Variants in TMCO1 observed in about 807,000 individuals in gnomAD.
The protein encoded by TMCO1 is calcium load-activated calcium channel.
A neutral mutation model predicts 29.3 loss-of-function variants in TMCO1; 29 were observed. The ratio of observed to expected loss-of-function variants is 0.99; its 90% CI spans 0.74 to 1.35. The LOEUF (loss-of-function observed/expected upper bound fraction) is 1.35. TMCO1 is among the 40% of genes most tolerant of loss of function. The pLI is 0.00. For synonymous variants in TMCO1, 80 were observed against 77.1 expected, an observed-to-expected ratio of 1.04 and a Z score of -0.20; for missense variants, 173 against 225.5, an observed-to-expected ratio of 0.77 and a Z score of 1.49.
At chr1:165,725,880 T>TA, downstream of TMCO1, 1 of 545,950 alleles carries the variant, frequency 1.8e-6, no homozygotes, top group Non-Finnish European at 3.4e-6. Flanking sequence ...GAAAAAAATT[T>TA]AAAAAAATTT....
intron 5 of TMCO1, among the ~76,000 whole-genome samples, chr1:165,751,639 A>C (rs1230512309): frequency 6.6e-6 from 1 of 151,712 alleles, no homozygotes; most frequent in East Asian, 1.9e-4. Context: ...AGGAAGACAG[A>C]GGTTGCAGTG....
intron 6 of TMCO1, among the ~76,000 whole-genome samples, chr1:165,730,817 C>A (rs1381421063): frequency 6.6e-6 from 1 of 151,844 alleles, no homozygotes; most frequent in East Asian, 1.9e-4. Context: ...TGGTCTCAAA[C>A]TCTTGGGCTC....
chr1:165,727,009 C>T lies in TMCO1; in HGVS notation c.*1014G>A, dbSNP rs1650921346. 2.2e-6 allele frequency: 1 copy of T among 453,914 alleles called. No homozygotes were observed. The highest frequency in any genetic ancestry group is 2.0e-5 in the African/African-American group (1 of 49,996). The allele number at this position is 453,914 out of a possible 1,614,324, so 28.1% of individuals were successfully genotyped here. On this transcript the variant is annotated 3_prime_UTR_variant, in exon 7 of 7. Coordinates refer to ENST00000367881, the MANE Select transcript of TMCO1 (RefSeq NM_019026.6). ...GGTAGAATACTCACATTTAAGTAGA[C>T]ATTTGATGAATGTGCATATTTATTG...
At chr1:165,766,573 A>G (rs1229506141) in intron 2 of TMCO1, among the ~76,000 whole-genome samples, 1 of 152,092 alleles carries the variant, frequency 6.6e-6, no homozygotes, top group East Asian at 1.9e-4. Context: ...GGATCGCTTG[A>G]GCCCAGGAGT....
intron 6 of TMCO1, among the ~76,000 whole-genome samples, chr1:165,736,122 A>G (rs1651368610): frequency 6.6e-6 from 1 of 152,252 alleles, no homozygotes; most frequent in African/African-American, 2.4e-5. Flanking sequence ...GGATGCAGAC[A>G]GAAGGCACTC....
chr1:165,726,758 C>T (rs1195504650), downstream of TMCO1: 7 of 453,710 alleles, frequency 1.5e-5, no homozygotes, highest in Admixed American at 1.2e-4. Context: ...TCTTTTTTGT[C>T]CTTGGAATAT....
downstream of TMCO1, chr1:165,725,701 C>A (rs1398153743): frequency 8.8e-6 from 4 of 454,094 alleles, no homozygotes; most frequent in Admixed American, 9.4e-5. Context: ...AATAACTAGT[C>A]TTGAAATTTC....
At chr1:165,743,107 G>A in intron 6 of TMCO1, 60 bp downstream of exon 6, 1 of 1,584,942 alleles carries the variant, frequency 6.3e-7, no homozygotes. Context: ...AAAAGTAAAA[G>A]CTAATTGGTA....
At chr1:165,730,393 TA>T (rs1335894427) in intron 6 of TMCO1, among the ~76,000 whole-genome samples, 1 of 152,076 alleles carries the variant, frequency 6.6e-6, no homozygotes, top group African/African-American at 2.4e-5. Context: ...GTAACACTGT[TA>T]GAATACAACA....
chr1:165,762,682 C>G (rs1652438462), intron 2 of TMCO1, among the ~76,000 whole-genome samples: 1 of 152,132 alleles, frequency 6.6e-6, no homozygotes, highest in African/African-American at 2.4e-5. Flanking sequence ...CTATGAAACA[C>G]ATTTCTGTCC....
At chr1:165,752,229 C>T in intron 4 of TMCO1, 60 bp from the exon 5 acceptor site, 1 of 1,269,594 alleles carries the variant, frequency 7.9e-7, no homozygotes, top group Non-Finnish European at 1.1e-6. Flanking sequence ...TAAAGCATAT[C>T]TCAAAAGTTT....
downstream of TMCO1, chr1:165,726,200 T>C: frequency 2.9e-6 from 2 of 699,306 alleles, no homozygotes; most frequent in South Asian, 3.0e-5. Context: ...GAGTGGTCAA[T>C]GATATGGAGA....
At chr1:165,735,343 G>A (rs1357410537) in intron 6 of TMCO1, among the ~76,000 whole-genome samples, 2 of 152,114 alleles carry the variant, frequency 1.3e-5, no homozygotes, top group Admixed American at 6.5e-5. Flanking sequence ...GCACTGTGAA[G>A]AGTGTCTAAA....
rs1186473281 is a variant in TMCO1 at position 165,727,408 on chromosome 1, G to A, written c.*615C>T. ...CCAATTCCTACACCAAGACAACTCT[G>A]TATTTTGAGTATATGAGTCAAGTAT... On this transcript the variant is annotated 3_prime_UTR_variant, in exon 7 of 7. Coordinates refer to ENST00000367881, the MANE Select transcript of TMCO1 (RefSeq NM_019026.6). 2.2e-6 allele frequency: 1 copy of A among 453,642 alleles called. No individual in the cohort carries two copies. The highest frequency in any genetic ancestry group is 2.0e-5 in the African/African-American group (1 of 49,972). The allele number at this position is 453,642 out of a possible 1,614,324, so 28.1% of individuals were successfully genotyped here. A position where few individuals can be genotyped will look rare whatever the true frequency, so the allele number is the denominator to read the frequency against.
At chr1:165,767,766 ATCTCCTGGGC>A (rs1410833313) in intron 2 of TMCO1, among the ~76,000 whole-genome samples, 1 of 152,164 alleles carries the variant, frequency 6.6e-6, no homozygotes, top group Admixed American at 6.5e-5. Context: ...TGTAGCCTCA[ATCTCCTGGGC>A]TCAAGGGATC....
chr1:165,726,794 GT>G lies in TMCO1; in HGVS notation c.*1228del, dbSNP rs1650910071. The G allele has an allele frequency of 2.2e-6, 1 of 453,122 alleles. No individual in the cohort carries two copies. The highest frequency in any genetic ancestry group is 2.0e-5 in the African/African-American group (1 of 49,814). The allele number at this position is 453,122 out of a possible 1,614,324, so 28.1% of individuals were successfully genotyped here. ...AACCTTTAATAATTCAACTCTCTTAGTTTTGTATGTCTAAACATGTCTTTAT... is the reference window on the plus strand; with the variant it reads ...AACCTTTAATAATTCAACTCTCTTAGTTTGTATGTCTAAACATGTCTTTAT... On this transcript the variant is annotated 3_prime_UTR_variant, in exon 7 of 7. Transcript: ENST00000367881.
At chr1:165,725,393 A>G (rs1387335108), downstream of TMCO1, 1 of 454,066 alleles carries the variant, frequency 2.2e-6, no homozygotes, top group Non-Finnish European at 4.4e-6. Flanking sequence ...GGACATATGA[A>G]TATCTACACA....
rs60259711 is a variant in TMCO1, at chr1:165,752,203, T to TAA, written c.256-36_256-35dup. 6,949 of 1,418,554 alleles carry TAA rather than the reference T, an allele frequency of 4.9e-3. 95 individuals carry two copies. The African/African-American group carries it at 0.055, about 11-fold the overall frequency. 87.9% of individuals were successfully genotyped at this position (1,418,554 alleles called of 1,614,324 possible). On this transcript the variant is annotated intron_variant, in intron 4 of 6. Coordinates refer to ENST00000367881, the MANE Select transcript of TMCO1 (RefSeq NM_019026.6). The stretch of plus-strand genomic sequence containing the variant: ...AGACGAACAAATTGTCATTTTACAC[T>TAA]AAAAAAAAACACATCTAAAGCATAT...
At chr1:165,739,118 TC>T (rs1414602066) in intron 6 of TMCO1, among the ~76,000 whole-genome samples, 1 of 151,952 alleles carries the variant, frequency 6.6e-6, no homozygotes, top group Non-Finnish European at 1.5e-5. Flanking sequence ...GCTGCCCACC[TC>T]CCCCTCTTTT....
Sources: gnomAD v4.1 joint callset for allele counts (sites outside exome capture counted in the v4.1 genomes callset) on GRCh38, gnomAD v4.1.1 for gene constraint, MANE v1.5 for transcripts, NCBI Gene and HGNC (gene_info 2026-07-23, HGNC 2026-07-21) for gene names.